TAFA4: variants seen among roughly 807,000 people sequenced by gnomAD.
The protein encoded by TAFA4 is chemokine-like protein TAFA-4.
A neutral mutation model predicts 21.1 loss-of-function variants in TAFA4; 20 were observed. That is an observed-to-expected ratio of 0.95 (90% confidence interval 0.67 to 1.38). TAFA4 has a LOEUF of 1.38. TAFA4 is among the 40% of genes most tolerant of loss of function. The probability of loss-of-function intolerance (pLI) is 0.00; values close to 1 mark genes in which losing one functional copy is unlikely to be tolerated. For missense variants in TAFA4, 211 were observed against 180.9 expected, an observed-to-expected ratio of 1.17 and a Z score of -0.95; for synonymous variants, 71 against 67.4, an observed-to-expected ratio of 1.05 and a Z score of -0.26.
At chr3:68,812,026 T>C (rs1334766116) in intron 3 of TAFA4, among the ~76,000 whole-genome samples, 2 of 152,132 alleles carry the variant, frequency 1.3e-5, no homozygotes, top group Non-Finnish European at 2.9e-5. Flanking sequence ...TATTCAACAT[T>C]CTTAAAGAAA....
At chr3:68,844,978 G>A (rs1352277855) in intron 3 of TAFA4, among the ~76,000 whole-genome samples, 1 of 152,196 alleles carries the variant, frequency 6.6e-6, no homozygotes, top group Admixed American at 6.5e-5. Context: ...GTGGTGCTGA[G>A]AAGAATGTGT....
intron 3 of TAFA4, among the ~76,000 whole-genome samples, chr3:68,863,023 CAGG>C (rs1369763924): frequency 6.9e-6 from 1 of 145,976 alleles, no homozygotes; most frequent in East Asian, 2.0e-4. Context: ...CGCTTGAGAG[CAGG>C]AGTTCAAAAC....
chr3:68,807,106 G>T (rs2106837040), intron 3 of TAFA4, among the ~76,000 whole-genome samples: 1 of 152,262 alleles, frequency 6.6e-6, no homozygotes, highest in South Asian at 2.1e-4. Flanking sequence ...CTGCAATCCT[G>T]CCCCTTGTTT....
chr3:68,878,727 T>C (rs1299720643), intron 3 of TAFA4, among the ~76,000 whole-genome samples: 2 of 152,152 alleles, frequency 1.3e-5, no homozygotes, highest in Non-Finnish European at 2.9e-5. Flanking sequence ...TGATGGAAAA[T>C]AGACTTTAAA....
At chr3:68,844,453 C>G (rs1704740503) in intron 3 of TAFA4, among the ~76,000 whole-genome samples, 1 of 146,890 alleles carries the variant, frequency 6.8e-6, no homozygotes, top group African/African-American at 2.6e-5. Flanking sequence ...TTTTGTTAAT[C>G]TTTAAAAAAA....
At chr3:68,900,916 C>G (rs1398232053) in intron 1 of TAFA4, among the ~76,000 whole-genome samples, 1 of 152,206 alleles carries the variant, frequency 6.6e-6, no homozygotes, top group Non-Finnish European at 1.5e-5. Flanking sequence ...ACATCCCCAG[C>G]CCCCATCAAA....
At chr3:68,756,111 G>A (rs1702655485) in intron 3 of TAFA4, among the ~76,000 whole-genome samples, 1 of 152,206 alleles carries the variant, frequency 6.6e-6, no homozygotes, top group African/African-American at 2.4e-5. Context: ...GATTGCTGGT[G>A]TGCAGAAGCT....
chr3:68,845,558 A>G (rs11717911), intron 3 of TAFA4, among the ~76,000 whole-genome samples: 48,866 of 152,082 alleles, frequency 0.32, 8,220 homozygotes, highest in Non-Finnish European at 0.37. Context: ...TGATGCTGTC[A>G]TTATGATGCT....
intron 1 of TAFA4, among the ~76,000 whole-genome samples, chr3:68,915,636 T>A (rs1469902329): frequency 6.6e-6 from 1 of 152,154 alleles, no homozygotes; most frequent in African/African-American, 2.4e-5. Flanking sequence ...AAGAAGTTAA[T>A]CATGGTGGGT....
At chr3:68,810,982 G>A (rs1306038415) in intron 3 of TAFA4, among the ~76,000 whole-genome samples, 2 of 152,208 alleles carry the variant, frequency 1.3e-5, no homozygotes, top group African/African-American at 2.4e-5. Flanking sequence ...AACTTCCAGA[G>A]GAACAATCAG....
chr3:68,930,184 A>T (rs1487810960), intron 1 of TAFA4, among the ~76,000 whole-genome samples: 1 of 152,162 alleles, frequency 6.6e-6, no homozygotes, highest in Non-Finnish European at 1.5e-5. Context: ...AACAATACAC[A>T]TGTCTAAAAA....
intron 1 of TAFA4, among the ~76,000 whole-genome samples, chr3:68,919,009 T>C (rs1189700709): frequency 6.6e-6 from 1 of 152,110 alleles, no homozygotes; most frequent in Non-Finnish European, 1.5e-5. Flanking sequence ...AGAACGAAAT[T>C]CCAAACCCCT....
intron 3 of TAFA4, among the ~76,000 whole-genome samples, chr3:68,840,945 C>G (rs966338321): frequency 6.6e-6 from 1 of 152,190 alleles, no homozygotes; most frequent in African/African-American, 2.4e-5. Flanking sequence ...ATCTCACATT[C>G]TGTACCTCTG....
At chr3:68,877,582 C>T (rs997685193) in intron 3 of TAFA4, among the ~76,000 whole-genome samples, 4 of 152,156 alleles carry the variant, frequency 2.6e-5, no homozygotes, top group Admixed American at 6.5e-5. Context: ...AATAAAAGGG[C>T]TCTCAACACC....
At chr3:68,750,977 A>G (rs1390232628) in intron 4 of TAFA4, among the ~76,000 whole-genome samples, 2 of 152,206 alleles carry the variant, frequency 1.3e-5, no homozygotes, top group Non-Finnish European at 2.9e-5. Flanking sequence ...CGTTTTTACA[A>G]TAACATGGGA....
At chr3:68,866,213 G>A (rs2089414861) in intron 3 of TAFA4, among the ~76,000 whole-genome samples, 1 of 152,084 alleles carries the variant, frequency 6.6e-6, no homozygotes, top group African/African-American at 2.4e-5. Context: ...CCACACTGTA[G>A]AAGGCACATT....
chr3:68,740,241 C>A lies in TAFA4; in HGVS notation c.287-1042G>T, dbSNP rs183025758. On this transcript the variant is annotated intron_variant, in intron 4 of 5. Coordinates refer to ENST00000295569, the MANE Select transcript of TAFA4 (RefSeq NM_182522.5). The stretch of plus-strand genomic sequence containing the variant: ...CAGTCACAATAGTCTCAGAAAATGT[C>A]AGCTGTTAATATGGTCATCATCTTT... 9.5e-4 allele frequency among the ~76,000 whole-genome samples: 144 copies of A among 152,128 alleles called. 3 individuals are homozygous for A. The East Asian group carries it at 0.022, about 23-fold the overall frequency.
intron 3 of TAFA4, among the ~76,000 whole-genome samples, chr3:68,847,574 C>T (rs1704836978): frequency 6.6e-6 from 1 of 152,186 alleles, no homozygotes; most frequent in Non-Finnish European, 1.5e-5. Context: ...CTGCAGTTAG[C>T]TCGGTGTCTA....
intron 1 of TAFA4, among the ~76,000 whole-genome samples, chr3:68,913,332 T>C (rs1204968753): frequency 6.6e-6 from 1 of 152,100 alleles, no homozygotes; most frequent in East Asian, 1.9e-4. Context: ...AAGATTTAAA[T>C]CCAGGAGAGT....
Sources: allele counts gnomAD v4.1 joint callset (sites outside exome capture counted in the v4.1 genomes callset), GRCh38; gene constraint gnomAD v4.1.1; transcripts MANE v1.5; gene names NCBI Gene and HGNC (gene_info 2026-07-23, HGNC 2026-07-21).